PRDM16: variants seen among roughly 807,000 people sequenced by gnomAD.
PRDM16 encodes the protein PR/SET domain 16.
PRDM16 carries 23 observed loss-of-function variants against 110.6 expected under a neutral mutation model. The ratio of observed to expected loss-of-function variants is 0.21; its 90% CI spans 0.15 to 0.29. The LOEUF (loss-of-function observed/expected upper bound fraction) is 0.29, where lower values mean the gene tolerates loss of function less well. Ranked by LOEUF, PRDM16 falls within the 10% of genes least tolerant of loss-of-function variation. The probability of loss-of-function intolerance (pLI) is 1.00; values close to 1 mark genes in which losing one functional copy is unlikely to be tolerated. For synonymous variants in PRDM16, 799 were observed against 781.8 expected, an observed-to-expected ratio of 1.02 and a Z score of -0.37; for missense variants, 1,615 against 1,794.3, an observed-to-expected ratio of 0.90 and a Z score of 1.81.
At chr1:3,310,851 A>G (rs528938327) in intron 3 of PRDM16, among the ~76,000 whole-genome samples, 7 of 152,062 alleles carry the variant, frequency 4.6e-5, no homozygotes, top group African/African-American at 1.2e-4. Context: ...ATATGTGTGC[A>G]CATATAAGTG....
Position 3,244,948 on chromosome 1 carries a change from G to T in PRDM16, c.438+811G>T, listed in dbSNP as rs1357874020. 2.6e-5 allele frequency among the ~76,000 whole-genome samples: 4 copies of T among 152,188 alleles called. No individual in the cohort carries two copies. Among genetic ancestry groups the T allele is most frequent in the Non-Finnish European group, 4.4e-5 (3 of 68,034 alleles). On this transcript the variant is annotated intron_variant, in intron 3 of 16. Coordinates refer to ENST00000270722, the MANE Select transcript of PRDM16 (RefSeq NM_022114.4). This position sits in a 1 kb window ranked among gnomAD's most constrained non-coding sequence, Gnocchi z 4.1. The stretch of plus-strand genomic sequence containing the variant: ...TGGTGGCTGATCTCCTATTTTTTGG[G>T]GGGGGGTTTCTAGTAAAATTAAAGT...
chr1:3,393,123 G>C (rs1643324083), intron 4 of PRDM16, among the ~76,000 whole-genome samples: 2 of 152,178 alleles, frequency 1.3e-5, no homozygotes, highest in African/African-American at 4.8e-5. Flanking sequence ...CTGTTGTTAA[G>C]AGGGTTCCCC....
intron 3 of PRDM16, among the ~76,000 whole-genome samples, chr1:3,356,844 G>A (rs553088003): frequency 7.9e-5 from 12 of 152,252 alleles, no homozygotes; most frequent in South Asian, 2.1e-4. Flanking sequence ...CTCTGGGATC[G>A]ATAAACTGTA....
chr1:3,407,947 G>A (rs933710102), intron 8 of PRDM16, among the ~76,000 whole-genome samples: 3 of 152,214 alleles, frequency 2.0e-5, no homozygotes, highest in Non-Finnish European at 4.4e-5. Flanking sequence ...GGCAGATCGG[G>A]TTTATGAAGA....
At chr1:3,254,223 T>C (rs2376494) in intron 3 of PRDM16, among the ~76,000 whole-genome samples, 62,677 of 152,042 alleles carry the variant, frequency 0.41, 15,594 homozygotes, top group East Asian at 0.59. Context: ...AGATCCCATT[T>C]GTCAATTTTG....
chr1:3,412,303 G>A lies in PRDM16; in HGVS notation c.2106G>A (p.Lys702=), dbSNP rs776564044. Residue 702 remains lysine, a synonymous_variant, in exon 9 of 17, where the codon AAG becomes AAA. Coordinates refer to ENST00000270722, the MANE Select transcript of PRDM16 (RefSeq NM_022114.4). The part of the protein sequence containing the change: ...SIKAIASIAE[K]YFGPGFMGMQ... ...AGGCCATCGCATCCATTGCCGAGAA[G>A]TACTTTGGCCCCGGCTTCATGGGGA... The A allele has an allele frequency of 4.3e-6, 7 of 1,613,782 alleles. No homozygotes were observed. The highest frequency in any genetic ancestry group is 5.9e-6 in the Non-Finnish European group (7 of 1,180,026).
intron 3 of PRDM16, among the ~76,000 whole-genome samples, chr1:3,264,158 C>G (rs1165357473): frequency 1.3e-5 from 2 of 152,214 alleles, no homozygotes; most frequent in African/African-American, 2.4e-5. Context: ...AGCAATGACA[C>G]GAGCAGTTAC....
intron 1 of PRDM16, among the ~76,000 whole-genome samples, chr1:3,103,280 C>T (rs553107419): frequency 6.6e-6 from 1 of 152,342 alleles, no homozygotes; most frequent in South Asian, 2.1e-4. Context: ...CCTCTTGGGC[C>T]CTGTCTTCTG....
At chr1:3,280,523 CCAA>C (rs1254507032) in intron 3 of PRDM16, among the ~76,000 whole-genome samples, 3 of 152,224 alleles carry the variant, frequency 2.0e-5, no homozygotes, top group African/African-American at 4.8e-5. Context: ...GGCGTACATT[CCAA>C]CAAGGTCCGT....
intron 1 of PRDM16, among the ~76,000 whole-genome samples, chr1:3,126,646 A>G (rs745964290): frequency 6.6e-6 from 1 of 152,146 alleles, no homozygotes; most frequent in Non-Finnish European, 1.5e-5. Flanking sequence ...AGGAGCCTCC[A>G]GCCCTGGGCT....
At chr1:3,272,067 C>G (rs1640468576) in intron 3 of PRDM16, among the ~76,000 whole-genome samples, 1 of 152,206 alleles carries the variant, frequency 6.6e-6, no homozygotes, top group Non-Finnish European at 1.5e-5. Flanking sequence ...GTCAGGAGGA[C>G]AAGAACTTCC....
In PRDM16 at chr1:3,116,349, G is replaced by C. The variant is rs1052098400; in HGVS notation, c.37+47053G>C. The stretch of plus-strand genomic sequence containing the variant: ...GCTTAATACCCACAGTGTGAGAACC[G>C]AGAGCCAGGGCCAATGACGGGGGGG... On this transcript the variant is annotated intron_variant, in intron 1 of 16. Coordinates refer to ENST00000270722, the MANE Select transcript of PRDM16 (RefSeq NM_022114.4). Among the ~76,000 whole-genome samples the C allele has an allele frequency of 3.3e-5, 5 of 152,252 alleles. No individual in the cohort carries two copies. The East Asian group carries it at 9.7e-4, about 29-fold the overall frequency.
chr1:3,437,959 T>A lies in PRDM16; in HGVS notation c.*4148T>A. On this transcript the variant is annotated 3_prime_UTR_variant, in exon 17 of 17. Transcript: ENST00000270722. ...TGTCCCTTAAGGTCGATATAAAGAA[T>A]CCTCGCAGAATCACAGACCTGTGCC... 1 of 220,474 alleles carries A rather than the reference T, an allele frequency of 4.5e-6. No individual in the cohort carries two copies. Among genetic ancestry groups the A allele is most frequent in the Non-Finnish European group, 9.1e-6 (1 of 109,848 alleles). The allele number at this position is 220,474 out of a possible 1,614,324, so 13.7% of individuals were successfully genotyped here. A position where few individuals can be genotyped will look rare whatever the true frequency, so the allele number is the denominator to read the frequency against.
intron 1 of PRDM16, among the ~76,000 whole-genome samples, chr1:3,165,292 C>T (rs1401138910): frequency 3.6e-5 from 5 of 139,512 alleles, no homozygotes; most frequent in Non-Finnish European, 6.2e-5. Flanking sequence ...GGGGCATGGA[C>T]TCACCTGGGC....
chr1:3,153,102 T>C (rs1002017510), intron 1 of PRDM16, among the ~76,000 whole-genome samples: 3 of 152,220 alleles, frequency 2.0e-5, no homozygotes, highest in Non-Finnish European at 4.4e-5. Flanking sequence ...TGCTCCTCTT[T>C]TCTTCTGAGT....
At chr1:3,296,849 A>G (rs1190789596) in intron 3 of PRDM16, among the ~76,000 whole-genome samples, 1 of 152,232 alleles carries the variant, frequency 6.6e-6, no homozygotes, top group East Asian at 1.9e-4. Flanking sequence ...GCGAGTTGAA[A>G]ATATCCTAAG....
At chr1:3,161,973 C>T (rs1643901499) in intron 1 of PRDM16, among the ~76,000 whole-genome samples, 1 of 152,196 alleles carries the variant, frequency 6.6e-6, no homozygotes, top group African/African-American at 2.4e-5. Flanking sequence ...TCAGGGCACT[C>T]GGTTGGACGT....
At chr1:3,405,912 G>C (rs928524874) in intron 8 of PRDM16, among the ~76,000 whole-genome samples, 9 of 152,172 alleles carry the variant, frequency 5.9e-5, no homozygotes, top group African/African-American at 2.2e-4. Context: ...GGGCTGGAGG[G>C]GGGCAGTGGG....
intron 3 of PRDM16, among the ~76,000 whole-genome samples, chr1:3,362,769 T>A (rs1458961245): frequency 6.6e-6 from 1 of 151,294 alleles, no homozygotes; most frequent in Non-Finnish European, 1.5e-5. Flanking sequence ...GATCCTAAAA[T>A]CCCCCCCGTG....
Sources: allele counts gnomAD v4.1 joint callset (sites outside exome capture counted in the v4.1 genomes callset), GRCh38; gene constraint gnomAD v4.1.1; non-coding constraint Gnocchi (gnomAD v3.1); transcripts MANE v1.5; gene names NCBI Gene and HGNC (gene_info 2026-07-23, HGNC 2026-07-21).